The following SLC9A9 variants were observed in gnomAD, a reference collection of about 807,000 sequenced individuals.
SLC9A9 encodes the protein sodium/hydrogen exchanger 9.
A neutral mutation model predicts 77.8 loss-of-function variants in SLC9A9; 62 were observed. That is an observed-to-expected ratio of 0.80 (90% CI 0.65 to 0.98). The LOEUF (loss-of-function observed/expected upper bound fraction) is 0.98. SLC9A9 is among the 50% of genes least tolerant of loss of function. The probability of loss-of-function intolerance (pLI) is 0.00; values close to 1 mark genes in which losing one functional copy is unlikely to be tolerated. For missense variants in SLC9A9, 775 were observed against 774.9 expected, an observed-to-expected ratio of 1.00 and a Z score of 0.00; for synonymous variants, 320 against 283.5, an observed-to-expected ratio of 1.13 and a Z score of -1.29.
At chr3:143,394,996 T>C (rs867761873) in intron 12 of SLC9A9, among the ~76,000 whole-genome samples, 1 of 152,178 alleles carries the variant, frequency 6.6e-6, no homozygotes. Context: ...ATAGGAAGAA[T>C]CAATACTATG....
At chr3:143,725,278 A>G (rs1328840562) in intron 4 of SLC9A9, among the ~76,000 whole-genome samples, 3 of 152,048 alleles carry the variant, frequency 2.0e-5, no homozygotes, top group South Asian at 2.1e-4. Context: ...ACACTTTTAC[A>G]CTGTTGGTGG....
intron 4 of SLC9A9, among the ~76,000 whole-genome samples, chr3:143,765,436 G>C (rs1168880886): frequency 6.6e-6 from 1 of 151,986 alleles, no homozygotes; most frequent in African/African-American, 2.4e-5. Flanking sequence ...AGTGCAGTAG[G>C]GATCTCTTGT....
intron 12 of SLC9A9, among the ~76,000 whole-genome samples, chr3:143,415,953 A>G (rs1452819251): frequency 6.6e-6 from 1 of 152,186 alleles, no homozygotes; most frequent in Admixed American, 6.5e-5. Context: ...ATCAACATTA[A>G]TAGGCATTTG....
At chr3:143,267,345 C>CT (rs749407002) in intron 15 of SLC9A9, among the ~76,000 whole-genome samples, 15,306 of 113,342 alleles carry the variant, frequency 0.14, 1,621 homozygotes, top group South Asian at 0.22. Flanking sequence ...GTTATTGCTA[C>CT]TTTTTTTTTT....
At chr3:143,834,089 G>GT (rs2009506321) in intron 1 of SLC9A9, among the ~76,000 whole-genome samples, 1 of 152,208 alleles carries the variant, frequency 6.6e-6, no homozygotes, top group Admixed American at 6.5e-5. Context: ...ACTAATCAGA[G>GT]TGAGGATGAG....
intron 14 of SLC9A9, among the ~76,000 whole-genome samples, chr3:143,351,990 G>T (rs1429716283): frequency 6.6e-6 from 1 of 152,206 alleles, no homozygotes; most frequent in Non-Finnish European, 1.5e-5. Context: ...AGGCTTCTGA[G>T]CTTGTACTGC....
At chr3:143,583,617 C>T (rs931797051) in intron 6 of SLC9A9, among the ~76,000 whole-genome samples, 6 of 152,136 alleles carry the variant, frequency 3.9e-5, no homozygotes, top group African/African-American at 1.4e-4. Flanking sequence ...ATCTCAGTTT[C>T]TATAAAATGA....
intron 12 of SLC9A9, among the ~76,000 whole-genome samples, chr3:143,413,166 G>C (rs1192164833): frequency 6.6e-6 from 1 of 152,166 alleles, no homozygotes; most frequent in Non-Finnish European, 1.5e-5. Context: ...GAATTTCATG[G>C]AGTGCCTCCT....
At chr3:143,379,754 ATTTC>A (rs1305639842) in intron 13 of SLC9A9, among the ~76,000 whole-genome samples, 2 of 152,088 alleles carry the variant, frequency 1.3e-5, no homozygotes, top group Non-Finnish European at 2.9e-5. Flanking sequence ...ACCAATTATT[ATTTC>A]TTTATTTCCC....
intron 4 of SLC9A9, among the ~76,000 whole-genome samples, chr3:143,764,076 T>C (rs1393523152): frequency 6.6e-6 from 1 of 152,104 alleles, no homozygotes; most frequent in Non-Finnish European, 1.5e-5. Flanking sequence ...ATTATAGAAT[T>C]TCACTTCTTT....
intron 4 of SLC9A9, among the ~76,000 whole-genome samples, chr3:143,695,287 C>A (rs1379949436): frequency 6.6e-6 from 1 of 152,088 alleles, no homozygotes; most frequent in African/African-American, 2.4e-5. Flanking sequence ...CTGCACCCAT[C>A]AACCTGTCAT....
At chr3:143,653,908 GAT>G (rs2038842916) in intron 5 of SLC9A9, among the ~76,000 whole-genome samples, 1 of 152,132 alleles carries the variant, frequency 6.6e-6, no homozygotes, top group African/African-American at 2.4e-5. Context: ...TTAGCACAGT[GAT>G]GCGACATAGT....
intron 9 of SLC9A9, among the ~76,000 whole-genome samples, chr3:143,497,069 C>T (rs2035848184): frequency 1.3e-5 from 2 of 152,192 alleles, no homozygotes; most frequent in South Asian, 4.1e-4. Context: ...ACAAGGGCCT[C>T]ACCTCCAAAT....
At chr3:143,666,336 A>G (rs2039068288) in intron 5 of SLC9A9, among the ~76,000 whole-genome samples, 1 of 152,226 alleles carries the variant, frequency 6.6e-6, no homozygotes, top group Admixed American at 6.5e-5. Context: ...GACATATCTC[A>G]AAATAATAAG....
At chr3:143,469,074 T>G (rs2035333408) in intron 11 of SLC9A9, among the ~76,000 whole-genome samples, 1 of 152,116 alleles carries the variant, frequency 6.6e-6, no homozygotes. Flanking sequence ...GCAGGAGAAT[T>G]GCTTGAACCT....
intron 1 of SLC9A9, among the ~76,000 whole-genome samples, chr3:143,844,861 A>G (rs2009799146): frequency 6.6e-6 from 1 of 151,748 alleles, no homozygotes; most frequent in Admixed American, 6.6e-5. Flanking sequence ...TAGCTCAAAA[A>G]GCTTAAGTTT....
intron 12 of SLC9A9, among the ~76,000 whole-genome samples, chr3:143,408,876 T>C (rs1022007865): frequency 2.3e-4 from 35 of 152,218 alleles, no homozygotes; most frequent in African/African-American, 8.4e-4. Flanking sequence ...TCATTTTATT[T>C]GGACTGCTAA....
At chr3:143,471,955 T>C (rs1436033108) in intron 11 of SLC9A9, among the ~76,000 whole-genome samples, 1 of 152,182 alleles carries the variant, frequency 6.6e-6, no homozygotes, top group East Asian at 1.9e-4. Flanking sequence ...CTGCAGAAAA[T>C]GTGCAGCTTC....
chr3:143,724,754 T>C (rs775149739), intron 4 of SLC9A9, among the ~76,000 whole-genome samples: 78 of 152,332 alleles, frequency 5.1e-4, no homozygotes, highest in Non-Finnish European at 9.0e-4. Context: ...TTAACTTTTA[T>C]GAAAATGGAT....
Sources: gnomAD v4.1 joint callset for allele counts (sites outside exome capture counted in the v4.1 genomes callset) on GRCh38, gnomAD v4.1.1 for gene constraint, MANE v1.5 for transcripts, NCBI Gene and HGNC (gene_info 2026-07-23, HGNC 2026-07-21) for gene names.